AUH: variants seen among roughly 807,000 people sequenced by gnomAD.
AUH encodes AU RNA binding methylglutaconyl-CoA hydratase, also known as methylglutaconyl-CoA hydratase, mitochondrial.
A neutral mutation model predicts 42.3 loss-of-function variants in AUH; 29 were observed. The ratio of observed to expected loss-of-function variants is 0.69; its 90% confidence interval spans 0.51 to 0.93. AUH has a LOEUF of 0.93. Among genes scored for constraint, AUH ranks in the 40% least tolerant of loss-of-function variants. The pLI is 0.00. For synonymous variants in AUH, 174 were observed against 166.4 expected (o/e 1.05, Z -0.35); for missense variants, 452 against 438.1 (o/e 1.03, Z -0.28).
intron 6 of AUH, among the ~76,000 whole-genome samples, chr9:91,246,034 GA>G (rs1294379455): frequency 6.6e-6 from 1 of 152,196 alleles, no homozygotes; most frequent in Non-Finnish European, 1.5e-5. Flanking sequence ...TGTCTCACAG[GA>G]AACAGATATG....
intron 3 of AUH, among the ~76,000 whole-genome samples, chr9:91,347,858 T>C (rs1831643252): frequency 6.6e-6 from 1 of 151,986 alleles, no homozygotes; most frequent in African/African-American, 2.4e-5. Flanking sequence ...TTCATACATG[T>C]ATACATACGT....
chr9:91,324,379 T>C (rs1358082616), intron 4 of AUH, among the ~76,000 whole-genome samples: 1 of 152,016 alleles, frequency 6.6e-6, no homozygotes, highest in East Asian at 1.9e-4. Context: ...GGTTCACACC[T>C]GTAGTCCTAA....
chr9:91,353,495 A>G (rs913801998), intron 3 of AUH, among the ~76,000 whole-genome samples: 3 of 152,190 alleles, frequency 2.0e-5, no homozygotes, highest in Non-Finnish European at 4.4e-5. Flanking sequence ...AGATGTTTAT[A>G]CTAATATAGG....
At chr9:91,245,468 A>G (rs1326021072) in intron 6 of AUH, among the ~76,000 whole-genome samples, 2 of 152,232 alleles carry the variant, frequency 1.3e-5, no homozygotes, top group African/African-American at 4.8e-5. Context: ...AGCTGGAGAA[A>G]GAAGAAAAAT....
Position 91,324,520 on chromosome 9 carries a change from T to TAA in AUH, c.505+796_505+797dup, listed in dbSNP as rs200031880. 3.8e-4 allele frequency among the ~76,000 whole-genome samples: 24 copies of TAA among 63,020 alleles called. No individual in the cohort carries two copies. The East Asian group carries it at 5.2e-3, about 14-fold the overall frequency. 41.3% of individuals were successfully genotyped at this position (63,020 alleles called of 152,430 possible). A position where few individuals can be genotyped will look rare whatever the true frequency, so the allele number is the denominator to read the frequency against. ...CCTGTCTCTAGAAAAAATCAAAAAT[T>TAA]AAAAAAAAAAAAAAACTAAAACCAA... On this transcript the variant is annotated intron_variant, in intron 4 of 9. Transcript: ENST00000375731.
intron 6 of AUH, among the ~76,000 whole-genome samples, chr9:91,241,581 C>T (rs925284062): frequency 6.6e-6 from 1 of 151,846 alleles, no homozygotes; most frequent in African/African-American, 2.4e-5. Flanking sequence ...ATACTTGTGT[C>T]AAATGAACAT....
intron 6 of AUH, among the ~76,000 whole-genome samples, chr9:91,238,527 T>A (rs1564020940): frequency 6.6e-6 from 1 of 152,198 alleles, no homozygotes; most frequent in Non-Finnish European, 1.5e-5. Context: ...TGAAAATGGG[T>A]AGGCAATTAG....
rs1830022228 is a variant in AUH at position 91,327,264 on chromosome 9, C to T, written c.419-1860G>A. The stretch of plus-strand genomic sequence containing the variant: ...ATTCCCCAGCAGACAGGGATGTGTC[C>T]CCAGTGAAACCCAACCTTCAAGCCA... On this transcript the variant is annotated intron_variant, in intron 3 of 9. Transcript: ENST00000375731. Among the ~76,000 whole-genome samples, 4 of 152,216 alleles carry T rather than the reference C, an allele frequency of 2.6e-5. No homozygotes were observed. In the South Asian group the frequency reaches 8.3e-4, roughly 32 times the overall value.
chr9:91,299,040 G>A (rs1827574441), intron 4 of AUH, among the ~76,000 whole-genome samples: 1 of 152,116 alleles, frequency 6.6e-6, no homozygotes. Context: ...CCAACATGGT[G>A]AAACCTCATC....
At chr9:91,237,608 T>C (rs1051536750) in intron 6 of AUH, among the ~76,000 whole-genome samples, 10 of 152,228 alleles carry the variant, frequency 6.6e-5, no homozygotes, top group South Asian at 2.1e-4. Flanking sequence ...AATTAACTTA[T>C]AGATTTTAGC....
chr9:91,234,441 A>G (rs1828065793), intron 6 of AUH, among the ~76,000 whole-genome samples: 1 of 152,074 alleles, frequency 6.6e-6, no homozygotes, highest in Admixed American at 6.5e-5. Context: ...TTCAATCTCT[A>G]TCCATCTATT....
At chr9:91,360,513 C>A (rs1446862617) in intron 1 of AUH, 2 of 152,354 alleles carry the variant, frequency 1.3e-5, no homozygotes, top group East Asian at 3.9e-4. Context: ...TGGCAATTTA[C>A]ATTAACAATC....
intron 6 of AUH, among the ~76,000 whole-genome samples, chr9:91,240,900 A>C (rs1262375400): frequency 6.6e-6 from 1 of 152,114 alleles, no homozygotes; most frequent in African/African-American, 2.4e-5. Context: ...CTGAGGGAGA[A>C]GGTCTACACA....
chr9:91,286,670 ATTAAG>A (rs1290083587), intron 6 of AUH, among the ~76,000 whole-genome samples: 1 of 151,660 alleles, frequency 6.6e-6, no homozygotes, highest in African/African-American at 2.4e-5. Context: ...ATGAGGAAAT[ATTAAG>A]TTAAATCTAG....
intron 3 of AUH, among the ~76,000 whole-genome samples, chr9:91,353,139 T>G (rs985910721): frequency 1.4e-4 from 21 of 152,038 alleles, no homozygotes; most frequent in Non-Finnish European, 1.9e-4. Context: ...CGGGCTGGAA[T>G]GAGGTGGCGT....
chr9:91,286,343 G>A (rs976916566), intron 6 of AUH, among the ~76,000 whole-genome samples: 17 of 151,842 alleles, frequency 1.1e-4, no homozygotes, highest in Non-Finnish European at 2.1e-4. Flanking sequence ...CCAGGGAGGG[G>A]AAAAAAAGAC....
intron 6 of AUH, among the ~76,000 whole-genome samples, chr9:91,274,360 T>C (rs1050878973): frequency 2.0e-5 from 3 of 152,206 alleles, no homozygotes; most frequent in Non-Finnish European, 4.4e-5. Flanking sequence ...AGTGTTATGA[T>C]GACACATCAA....
At position 91,220,848 on chromosome 9, in the gene AUH, G is replaced by C; in HGVS notation, c.800C>G (p.Ala267Gly). 1 of 1,614,196 alleles carries C rather than the reference G, an allele frequency of 6.2e-7. No homozygotes were observed. Among genetic ancestry groups the C allele is most frequent in the Non-Finnish European group, 8.5e-7 (1 of 1,180,032 alleles). Residue 267 changes from alanine (A) to glycine (G), a missense_variant, in exon 7 of 10, where the codon GCC (alanine) becomes GGC (glycine). Ala to Gly is a moderately conservative substitution (Grantham distance 60). Transcript: ENST00000375731. ...VLEQNQEGDAAYRKALDLARE... is the reference protein window; with the variant it reads ...VLEQNQEGDAGYRKALDLARE... ...CGCCAGGTCCAAGGCCTTCCTGTAG[G>C]CCGCGTCTCCCTCCTGGTTCTGTTC...
At chr9:91,300,823 G>A (rs1827726822) in intron 4 of AUH, among the ~76,000 whole-genome samples, 1 of 152,176 alleles carries the variant, frequency 6.6e-6, no homozygotes, top group South Asian at 2.1e-4. Flanking sequence ...TATACAAGGT[G>A]CAGCTCTGCC....
Sources: allele counts gnomAD v4.1 joint callset (sites outside exome capture counted in the v4.1 genomes callset), GRCh38; gene constraint gnomAD v4.1.1; transcripts MANE v1.5; gene names NCBI Gene and HGNC (gene_info 2026-07-23, HGNC 2026-07-21).